KIAA1671: variants seen among roughly 807,000 people sequenced by gnomAD.
The protein encoded by KIAA1671 is KIAA1671.
A neutral mutation model predicts 131.2 loss-of-function variants in KIAA1671; 52 were observed. The ratio of observed to expected loss-of-function variants is 0.40; its 90% CI spans 0.32 to 0.50. The LOEUF (loss-of-function observed/expected upper bound fraction) is 0.50, where lower values mean the gene tolerates loss of function less well. Among genes scored for constraint, KIAA1671 ranks in the 20% least tolerant of loss-of-function variants. The pLI is 0.73. For missense variants in KIAA1671, 2,360 were observed against 2,364.2 expected (o/e 1.00, Z 0.04); for synonymous variants, 1,003 against 961.6 (o/e 1.04, Z -0.80).
intron 6 of KIAA1671, chr22:25,069,988 G>A (rs773238226): frequency 3.1e-5 from 6 of 194,580 alleles, no homozygotes; most frequent in African/African-American, 4.6e-5. Flanking sequence ...TTCAGTTCCC[G>A]GGCATCACCT....
chr22:25,181,920 G>T, intron 10 of KIAA1671, 97 bp downstream of exon 10: 1 of 1,373,892 alleles, frequency 7.3e-7, no homozygotes. Flanking sequence ...GCTCACGCCT[G>T]TAATCCCAGC....
intron 1 of KIAA1671, among the ~76,000 whole-genome samples, chr22:24,958,362 AT>A (rs1921828818): frequency 6.6e-6 from 1 of 152,090 alleles, no homozygotes; most frequent in Non-Finnish European, 1.5e-5. Flanking sequence ...TGAAAAAACA[AT>A]TTAAGACCGG....
At chr22:25,089,179 C>T (rs1929889449) in intron 6 of KIAA1671, among the ~76,000 whole-genome samples, 1 of 151,470 alleles carries the variant, frequency 6.6e-6, no homozygotes, top group Non-Finnish European at 1.5e-5. Context: ...ATGTAAGAGA[C>T]TTAAGCATCT....
At chr22:25,157,564 A>G (rs546728796) in intron 6 of KIAA1671, among the ~76,000 whole-genome samples, 22 of 152,190 alleles carry the variant, frequency 1.4e-4, no homozygotes, top group Non-Finnish European at 2.8e-4. Context: ...CCCTTGACTC[A>G]TCGTAACCTT....
intron 4 of KIAA1671, among the ~76,000 whole-genome samples, chr22:25,035,815 A>G (rs1010626196): frequency 6.6e-6 from 1 of 152,220 alleles, no homozygotes; most frequent in South Asian, 2.1e-4. Context: ...AGAAAGGAAT[A>G]GTTAAGAAAT....
At position 25,174,390 on chromosome 22, in the gene KIAA1671, C is replaced by A; in HGVS notation, c.4800C>A (p.Asp1600Glu). 5.2e-6 allele frequency: 8 copies of A among 1,552,030 alleles called. No individual in the cohort carries two copies. The highest frequency in any genetic ancestry group is 6.1e-6 in the Non-Finnish European group (7 of 1,147,084). ...CSRDQRSTSV[D>E]HSSTDLESTD... Reference sequence around the variant, plus strand: ...GGGACCAGCGGAGCACCAGCGTGGACCACTCCAGCACTGACCTGGAATCCA... The same window carrying A: ...GGGACCAGCGGAGCACCAGCGTGGAACACTCCAGCACTGACCTGGAATCCA... The change falls in exon 8 of 13, where the codon GAC (aspartate) becomes GAA (glutamate). Residue 1600 changes from aspartate (D) to glutamate (E), a missense_variant. Coordinates refer to ENST00000358431, the MANE Select transcript of KIAA1671 (RefSeq NM_001145206.2).
chr22:25,173,177 C>T (rs539465698), intron 7 of KIAA1671, among the ~76,000 whole-genome samples: 1 of 152,282 alleles, frequency 6.6e-6, no homozygotes, highest in South Asian at 2.1e-4. Flanking sequence ...AGCTCACTCA[C>T]TATCATGAGA....
chr22:25,117,761 C>T (rs559967612), intron 6 of KIAA1671, among the ~76,000 whole-genome samples: 27 of 152,298 alleles, frequency 1.8e-4, no homozygotes, highest in African/African-American at 5.8e-4. Flanking sequence ...TCCTCCGGCT[C>T]TGTAACAAAT....
intron 6 of KIAA1671, among the ~76,000 whole-genome samples, chr22:25,120,052 G>A (rs995005954): frequency 1.3e-5 from 2 of 152,206 alleles, no homozygotes; most frequent in African/African-American, 4.8e-5. Flanking sequence ...CTTCTTGAGT[G>A]CCTGCTGTGT....
intron 6 of KIAA1671, chr22:25,112,630 A>C (rs1287517273): frequency 2.6e-6 from 1 of 380,906 alleles, no homozygotes; most frequent in Non-Finnish European, 4.6e-6. Flanking sequence ...GGAAAGAGGC[A>C]CGTAGCAATA....
At chr22:25,118,594 G>A (rs1031246484) in intron 6 of KIAA1671, among the ~76,000 whole-genome samples, 9 of 152,094 alleles carry the variant, frequency 5.9e-5, no homozygotes, top group East Asian at 3.9e-4. Flanking sequence ...TCCAGCCAAC[G>A]TATCTTTTTA....
At position 25,175,848 on chromosome 22, in the gene KIAA1671, G is replaced by A. The variant is rs73162213; in HGVS notation, c.4899+1359G>A. 6.3e-3 allele frequency: 954 copies of A among 152,304 alleles called. 7 individuals carry two copies. Among genetic ancestry groups the A allele is most frequent in the Non-Finnish European group, 9.9e-3 (674 of 68,038 alleles). The allele number at this position is 152,304 out of a possible 1,614,324, so 9.4% of individuals were successfully genotyped here. On this transcript the variant is annotated intron_variant, in intron 8 of 12. Transcript: ENST00000358431. ...TGGTGTCCCGAAGCATAGGTCTAAC[G>A]CTTACTGAAATTATACTGCGGTTTA...
intron 6 of KIAA1671, among the ~76,000 whole-genome samples, chr22:25,137,746 C>T (rs1183515993): frequency 6.6e-6 from 1 of 152,246 alleles, no homozygotes; most frequent in African/African-American, 2.4e-5. Flanking sequence ...TTCTTTCAAA[C>T]CAAAATAAAA....
chr22:25,114,223 C>T (rs1265743700), intron 6 of KIAA1671, among the ~76,000 whole-genome samples: 1 of 152,172 alleles, frequency 6.6e-6, no homozygotes, highest in Non-Finnish European at 1.5e-5. Context: ...TGGTAGGCAC[C>T]AGCTGGCCTT....
At chr22:25,114,104 G>A (rs1160151698) in intron 6 of KIAA1671, among the ~76,000 whole-genome samples, 1 of 152,138 alleles carries the variant, frequency 6.6e-6, no homozygotes, top group East Asian at 1.9e-4. Flanking sequence ...AATGAAGTTG[G>A]GTGGTGCAGA....
intron 7 of KIAA1671, among the ~76,000 whole-genome samples, chr22:25,172,650 G>A (rs1933888292): frequency 6.6e-6 from 1 of 152,186 alleles, no homozygotes; most frequent in Non-Finnish European, 1.5e-5. Flanking sequence ...TAGGCTATTG[G>A]CTTAGGTGTT....
At chr22:25,030,901 A>G (rs1190561181) in intron 3 of KIAA1671, among the ~76,000 whole-genome samples, 3 of 152,250 alleles carry the variant, frequency 2.0e-5, no homozygotes, top group African/African-American at 7.2e-5. Context: ...CAGCCAGCCA[A>G]GCCAAAGCTA....
In KIAA1671 at chr22:25,078,611, A is replaced by T. The variant is rs540517392; in HGVS notation, c.4530+29247A>T. Reference sequence around the variant, plus strand: ...CATGTTGAAAGCTATTGTGGGGACAAATGGCCTTATCGTAGTGCCTGGCAC... The same window carrying T: ...CATGTTGAAAGCTATTGTGGGGACATATGGCCTTATCGTAGTGCCTGGCAC... On this transcript the variant is annotated intron_variant, in intron 6 of 12. Coordinates refer to ENST00000358431, the MANE Select transcript of KIAA1671 (RefSeq NM_001145206.2). Among the ~76,000 whole-genome samples the T allele has an allele frequency of 2.0e-5, 3 of 152,254 alleles. No individual in the cohort carries two copies. In the South Asian group the frequency reaches 6.2e-4, roughly 32 times the overall value.
chr22:25,165,883 G>T (rs1933627862), intron 6 of KIAA1671, among the ~76,000 whole-genome samples: 1 of 152,112 alleles, frequency 6.6e-6, no homozygotes, highest in South Asian at 2.1e-4. Flanking sequence ...GAGGGACTGG[G>T]GGGTGAGAGG....
Sources: allele counts gnomAD v4.1 joint callset (sites outside exome capture counted in the v4.1 genomes callset), GRCh38; gene constraint gnomAD v4.1.1; transcripts MANE v1.5; gene names NCBI Gene and HGNC (gene_info 2026-07-23, HGNC 2026-07-21).